Variants in RTN1 observed in about 807,000 individuals in gnomAD.
RTN1 encodes the protein reticulon 1, also known as reticulon-1.
A neutral mutation model predicts 65.5 loss-of-function variants in RTN1; 25 were observed. The observed-to-expected ratio is 0.38, with a 90% confidence interval of 0.28 to 0.53. The LOEUF (loss-of-function observed/expected upper bound fraction) is 0.53, where lower values mean the gene tolerates loss of function less well. Among genes scored for constraint, RTN1 ranks in the 20% least tolerant of loss-of-function variants. The pLI is 0.79. For missense variants in RTN1, 983 were observed against 1,025.4 expected (o/e 0.96, Z 0.57); for synonymous variants, 471 against 447.6 (o/e 1.05, Z -0.66).
At chr14:59,610,035 A>G (rs1881897774) in intron 3 of RTN1, 1 of 726,080 alleles carries the variant, frequency 1.4e-6, no homozygotes, top group Non-Finnish European at 2.6e-6. Flanking sequence ...GAAGGGGCTC[A>G]GAAGAGCCTG....
At chr14:59,778,749 A>C (rs755009803) in intron 1 of RTN1, among the ~76,000 whole-genome samples, 1 of 152,186 alleles carries the variant, frequency 6.6e-6, no homozygotes, top group Non-Finnish European at 1.5e-5. Context: ...ATAGACCAGT[A>C]ATAAGGGAAT....
At chr14:59,861,408 C>T (rs183630300) in intron 1 of RTN1, among the ~76,000 whole-genome samples, 52 of 152,310 alleles carry the variant, frequency 3.4e-4, no homozygotes, top group Admixed American at 5.9e-4. Context: ...GTTGATTAAA[C>T]CTTTTTCTTT....
intron 3 of RTN1, among the ~76,000 whole-genome samples, chr14:59,699,672 C>T (rs767707217): frequency 2.6e-5 from 4 of 152,040 alleles, no homozygotes; most frequent in Non-Finnish European, 5.9e-5. Context: ...TTACATATGA[C>T]AATAACAAGT....
chr14:59,686,686 G>A (rs1353342865), intron 3 of RTN1, among the ~76,000 whole-genome samples: 1 of 152,204 alleles, frequency 6.6e-6, no homozygotes. Flanking sequence ...GAGGAGCAGA[G>A]AGCCTCCTCT....
intron 1 of RTN1, among the ~76,000 whole-genome samples, chr14:59,826,315 C>T (rs1389759396): frequency 1.3e-5 from 2 of 152,222 alleles, no homozygotes; most frequent in African/African-American, 4.8e-5. Flanking sequence ...AAGTGATAGA[C>T]TATATCTCAT....
chr14:59,626,406 G>A (rs895485868), intron 3 of RTN1, among the ~76,000 whole-genome samples: 1 of 152,144 alleles, frequency 6.6e-6, no homozygotes, highest in African/African-American at 2.4e-5. Flanking sequence ...ATGCTGCCAC[G>A]CAGAGTAAAG....
At position 59,688,234 on chromosome 14, in the gene RTN1, C is replaced by T. The variant is rs531658486; in HGVS notation, c.1765+38685G>A. Among the ~76,000 whole-genome samples, 85 of 152,210 alleles carry T rather than the reference C, an allele frequency of 5.6e-4. 1 individual carries two copies. The highest frequency in any genetic ancestry group is 5.0e-3 in the East Asian group (26 of 5,158). On this transcript the variant is annotated intron_variant, in intron 3 of 8. Transcript: ENST00000267484. The stretch of plus-strand genomic sequence containing the variant: ...GATTCTGGTGCAGTAGGGTCCTCTA[C>T]GGTCCATTCCCAGGCAGATCTCCAG...
intron 1 of RTN1, among the ~76,000 whole-genome samples, chr14:59,807,369 A>T (rs1886657657): frequency 6.6e-6 from 1 of 152,218 alleles, no homozygotes; most frequent in Non-Finnish European, 1.5e-5. Flanking sequence ...TCCACTAGAG[A>T]TGTAAAGGAA....
chr14:59,699,558 A>G (rs954709934), intron 3 of RTN1, among the ~76,000 whole-genome samples: 4 of 152,222 alleles, frequency 2.6e-5, no homozygotes, highest in Admixed American at 2.6e-4. Context: ...ATGGGGAAGT[A>G]GCAATATTTA....
intron 1 of RTN1, among the ~76,000 whole-genome samples, chr14:59,750,246 T>C (rs1312859307): frequency 1.4e-5 from 1 of 70,388 alleles, no homozygotes; most frequent in Non-Finnish European, 2.3e-5. Context: ...ATATTATATC[T>C]ATAATATATA....
At chr14:59,693,019 G>A (rs555378196) in intron 3 of RTN1, among the ~76,000 whole-genome samples, 52 of 152,236 alleles carry the variant, frequency 3.4e-4, no homozygotes, top group African/African-American at 9.1e-4. Flanking sequence ...ACGATATTAG[G>A]AGGTGGGGCC....
chr14:59,618,475 C>T (rs1882167927), intron 3 of RTN1, among the ~76,000 whole-genome samples: 1 of 152,222 alleles, frequency 6.6e-6, no homozygotes, highest in Admixed American at 6.5e-5. Context: ...ACTCCTGGCT[C>T]ACTGGCTTCC....
intron 3 of RTN1, among the ~76,000 whole-genome samples, chr14:59,674,429 A>G (rs1883576910): frequency 1.3e-5 from 2 of 152,264 alleles, no homozygotes; most frequent in Non-Finnish European, 2.9e-5. Flanking sequence ...AGCAGCCACA[A>G]TGCAGGTGAT....
chr14:59,840,296 G>T (rs1887287822), intron 1 of RTN1, among the ~76,000 whole-genome samples: 2 of 152,134 alleles, frequency 1.3e-5, no homozygotes, highest in South Asian at 4.1e-4. Flanking sequence ...TATCCACTCA[G>T]AAAGTTGTTG....
At chr14:59,611,719 C>G (rs1881956265) in intron 3 of RTN1, among the ~76,000 whole-genome samples, 1 of 152,088 alleles carries the variant, frequency 6.6e-6, no homozygotes. Context: ...GACTTCTCCT[C>G]AATCAGGAAG....
At chr14:59,815,838 C>T (rs1886811356) in intron 1 of RTN1, among the ~76,000 whole-genome samples, 1 of 152,158 alleles carries the variant, frequency 6.6e-6, no homozygotes, top group South Asian at 2.1e-4. Context: ...GATTCCCATC[C>T]CTTGAAGGTC....
chr14:59,606,309 T>C (rs1881752301), intron 4 of RTN1, among the ~76,000 whole-genome samples: 2 of 151,760 alleles, frequency 1.3e-5, no homozygotes, highest in South Asian at 2.1e-4. Context: ...TAAAGCAGTA[T>C]TTGGCTTGAG....
At chr14:59,630,400 G>T in intron 3 of RTN1, 1 of 1,612,168 alleles carries the variant, frequency 6.2e-7, no homozygotes, top group South Asian at 1.1e-5. Context: ...CAGGTCCCGG[G>T]TTTCCCGTGC....
At position 59,868,354 on chromosome 14, in the gene RTN1, A is replaced by G. The variant is rs1159879284; in HGVS notation, c.241+2036T>C. 1.3e-5 allele frequency among the ~76,000 whole-genome samples: 2 copies of G among 152,192 alleles called. No homozygotes were observed. The highest frequency in any genetic ancestry group is 2.9e-5 in the Non-Finnish European group (2 of 68,026). On this transcript the variant is annotated intron_variant, in intron 1 of 8. Coordinates refer to ENST00000267484, the MANE Select transcript of RTN1 (RefSeq NM_021136.3). This position sits in a 1 kb window ranked among gnomAD's most constrained non-coding sequence, Gnocchi z 4.0. ...TTCCATCTTTCTTCATTCTTCTCCC[A>G]TCCAAACGTAGTATCATGTTTGATT... is the stretch of plus-strand genomic sequence containing the variant.
Sources: allele counts gnomAD v4.1 joint callset (sites outside exome capture counted in the v4.1 genomes callset), GRCh38; gene constraint gnomAD v4.1.1; non-coding constraint Gnocchi (gnomAD v3.1); transcripts MANE v1.5; gene names NCBI Gene and HGNC (gene_info 2026-07-23, HGNC 2026-07-21).